The following SMAD1 variants were observed in gnomAD, a reference collection of about 807,000 sequenced individuals.
The protein encoded by SMAD1 is SMAD family member 1.
A neutral mutation model predicts 41.6 loss-of-function variants in SMAD1; 6 were observed. That is an observed-to-expected ratio of 0.14 (90% CI 0.08 to 0.28). The LOEUF is 0.28. Ranked by LOEUF, SMAD1 falls within the 10% of genes least tolerant of loss-of-function variation. The pLI is 1.00. For missense variants in SMAD1, 379 were observed against 582.6 expected, an observed-to-expected ratio of 0.65 and a Z score of 3.60; for synonymous variants, 206 against 203.2, an observed-to-expected ratio of 1.01 and a Z score of -0.12.
At position 145,514,610 on chromosome 4, in the gene SMAD1, C is replaced by T. The variant is rs755940534; in HGVS notation, c.-4C>T. 1.6e-5 allele frequency: 25 copies of T among 1,594,872 alleles called. No homozygotes were observed. The South Asian group carries it at 2.1e-4, about 13-fold the overall frequency. On this transcript the variant is annotated 5_prime_UTR_variant, in exon 2 of 7. Coordinates refer to ENST00000302085, the MANE Select transcript of SMAD1 (RefSeq NM_005900.3). This position sits in a 1 kb window ranked among gnomAD's most constrained non-coding sequence, Gnocchi z 4.7. ...ATCCAAGGAGTATAACTAGTGCTGT[C>T]ATTATGAATGTGACAAGTTTATTTT...
chr4:145,528,638 A>G, intron 2 of SMAD1, among the ~76,000 whole-genome samples: 1 of 152,266 alleles, frequency 6.6e-6, no homozygotes, highest in Non-Finnish European at 1.5e-5. Flanking sequence ...TAATTAATTC[A>G]GCTGCAGTTA....
In SMAD1 at chr4:145,493,609, T is replaced by A. The variant is rs541977789; in HGVS notation, c.-177+11571T>A. The stretch of plus-strand genomic sequence containing the variant: ...TTTATTCGCATTCATTTATAGCATA[T>A]ATTTGCTGAAGAGTTTTGTCAATTT... On this transcript the variant is annotated intron_variant, in intron 1 of 6. Coordinates refer to ENST00000302085, the MANE Select transcript of SMAD1 (RefSeq NM_005900.3). Among the ~76,000 whole-genome samples the A allele has an allele frequency of 2.0e-5, 3 of 152,368 alleles. No homozygotes were observed. The South Asian group carries it at 6.2e-4, about 32-fold the overall frequency.
At chr4:145,555,512 C>T (rs2126561576) in intron 6 of SMAD1, among the ~76,000 whole-genome samples, 1 of 152,108 alleles carries the variant, frequency 6.6e-6, no homozygotes. Context: ...TACTGAGGTC[C>T]CTCAGTGAGT....
At chr4:145,501,642 T>G (rs1259796008) in intron 1 of SMAD1, among the ~76,000 whole-genome samples, 2 of 99,398 alleles carry the variant, frequency 2.0e-5, no homozygotes, top group East Asian at 2.7e-4. Context: ...TTTTTGTTTC[T>G]TTTTTTTTTT....
chr4:145,523,922 C>A (rs564093292), intron 2 of SMAD1, among the ~76,000 whole-genome samples: 1 of 151,992 alleles, frequency 6.6e-6, no homozygotes, highest in East Asian at 1.9e-4. Context: ...TTTTTTGAGA[C>A]GAGATCTGGC....
At chr4:145,552,502 T>C (rs59971057) in intron 5 of SMAD1, among the ~76,000 whole-genome samples, 4,350 of 152,260 alleles carry the variant, frequency 0.029, 187 homozygotes, top group African/African-American at 0.083. Flanking sequence ...TTCCTTTTTT[T>C]AAAGGCAGGG....
At chr4:145,531,549 A>G (rs1234464838) in intron 2 of SMAD1, among the ~76,000 whole-genome samples, 5 of 152,178 alleles carry the variant, frequency 3.3e-5, no homozygotes, top group Non-Finnish European at 7.4e-5. Flanking sequence ...GGACATTACA[A>G]AACTCCAGGT....
intron 1 of SMAD1, among the ~76,000 whole-genome samples, chr4:145,504,793 T>G (rs1437750472): frequency 1.3e-5 from 2 of 152,208 alleles, no homozygotes; most frequent in Non-Finnish European, 2.9e-5. Flanking sequence ...GGCAAATGAT[T>G]ATGATCCCCT....
At chr4:145,533,806 G>T (rs1731457526) in intron 2 of SMAD1, among the ~76,000 whole-genome samples, 1 of 152,144 alleles carries the variant, frequency 6.6e-6, no homozygotes, top group Non-Finnish European at 1.5e-5. Context: ...TGGAGAAGAA[G>T]CCTCATTTAA....
intron 3 of SMAD1, 132 bp from the exon 4 acceptor site, chr4:145,542,450 C>G: frequency 1.8e-6 from 1 of 564,144 alleles, no homozygotes. Flanking sequence ...GTGCCTGTAG[C>G]CTTTAGTCTT....
intron 1 of SMAD1, among the ~76,000 whole-genome samples, chr4:145,491,766 A>G (rs939656019): frequency 6.6e-6 from 1 of 152,156 alleles, no homozygotes; most frequent in African/African-American, 2.4e-5. Flanking sequence ...TCAGTTATAC[A>G]CAGTTTCTCA....
intron 1 of SMAD1, among the ~76,000 whole-genome samples, chr4:145,493,294 A>G (rs1052655498): frequency 6.6e-6 from 1 of 152,202 alleles, no homozygotes; most frequent in Non-Finnish European, 1.5e-5. Context: ...GAGAGTAATG[A>G]TACAGTGGAT....
At chr4:145,544,732 C>G (rs755677673) in intron 4 of SMAD1, 6 of 151,956 alleles carry the variant, frequency 3.9e-5, no homozygotes, top group Non-Finnish European at 8.8e-5. Flanking sequence ...CTGATTATCT[C>G]TTGAACATCT....
intron 2 of SMAD1, among the ~76,000 whole-genome samples, chr4:145,526,077 A>T (rs561267052): frequency 4.5e-4 from 68 of 152,262 alleles, no homozygotes; most frequent in African/African-American, 1.4e-3. Flanking sequence ...GAGAAAAGAC[A>T]TTTTTTTATC....
At chr4:145,523,604 A>G (rs867380979) in intron 2 of SMAD1, among the ~76,000 whole-genome samples, 2 of 152,220 alleles carry the variant, frequency 1.3e-5, no homozygotes, top group South Asian at 2.1e-4. Flanking sequence ...TATCGTTATT[A>G]TATGTTTGTA....
intron 2 of SMAD1, among the ~76,000 whole-genome samples, chr4:145,521,730 A>G (rs1366428878): frequency 6.6e-6 from 1 of 152,144 alleles, no homozygotes; most frequent in African/African-American, 2.4e-5. Flanking sequence ...CCTTGGGGTG[A>G]CGGAAATTTT....
At position 145,481,930 on chromosome 4, in the gene SMAD1, G is replaced by A. The variant is rs909493736; in HGVS notation, c.-285G>A. ...GCCGAGCGGCTCAACCCGGGCCGAGGCTCGGGGAGCGGAGAGTGGCGCAGC... is the reference window on the plus strand; with the variant it reads ...GCCGAGCGGCTCAACCCGGGCCGAGACTCGGGGAGCGGAGAGTGGCGCAGC... On this transcript the variant is annotated 5_prime_UTR_variant, in exon 1 of 7. Coordinates refer to ENST00000302085, the MANE Select transcript of SMAD1 (RefSeq NM_005900.3). The A allele has an allele frequency of 6.6e-6, 1 of 152,398 alleles. No homozygotes were observed. The highest frequency in any genetic ancestry group is 6.6e-5 in the Admixed American group (1 of 15,254). 9.4% of individuals were successfully genotyped at this position (152,398 alleles called of 1,614,324 possible).
intron 4 of SMAD1, chr4:145,544,422 G>C (rs939379231): frequency 1.3e-5 from 2 of 152,002 alleles, no homozygotes; most frequent in Admixed American, 6.6e-5. Context: ...CTCTACTGCA[G>C]ATGCAAAAAT....
At chr4:145,487,369 C>G (rs1486304709) in intron 1 of SMAD1, among the ~76,000 whole-genome samples, 1 of 152,018 alleles carries the variant, frequency 6.6e-6, no homozygotes, top group Non-Finnish European at 1.5e-5. Context: ...TGGAAAAAAT[C>G]GGTTTTAAGT....
Sources: gnomAD v4.1 joint callset for allele counts (sites outside exome capture counted in the v4.1 genomes callset) on GRCh38, gnomAD v4.1.1 for gene constraint, Gnocchi (gnomAD v3.1) non-coding constraint, MANE v1.5 for transcripts, NCBI Gene and HGNC (gene_info 2026-07-23, HGNC 2026-07-21) for gene names.